ALG14: variants seen among roughly 807,000 people sequenced by gnomAD.
ALG14 encodes the protein UDP-N-acetylglucosamine transferase subunit ALG14.
ALG14 carries 17 observed loss-of-function variants against 22.8 expected under a neutral mutation model. That is an observed-to-expected ratio of 0.75 (90% CI 0.51 to 1.12). The LOEUF (loss-of-function observed/expected upper bound fraction) is 1.12, where lower values mean the gene tolerates loss of function less well. Ranked by LOEUF, ALG14 falls within the 50% of genes most tolerant of loss-of-function variation. ALG14 has a pLI of 0.00. For synonymous variants in ALG14, 89 were observed against 103.7 expected, an observed-to-expected ratio of 0.86 and a Z score of 0.86; for missense variants, 288 against 271.8, an observed-to-expected ratio of 1.06 and a Z score of -0.42.
chr1:95,041,617 AAAAAAAAAAAAAAAGAAAG>A (rs993023174), intron 2 of ALG14: 1 of 140,162 alleles, frequency 7.1e-6, no homozygotes, highest in African/African-American at 2.6e-5. Flanking sequence ...CCGTCTCTTT[AAAAAAAAAAAAAAAGAAAG>A]AAAGAAAAAA....
intron 3 of ALG14, among the ~76,000 whole-genome samples, chr1:95,003,982 G>A (rs900930889): frequency 6.6e-6 from 1 of 152,102 alleles, no homozygotes; most frequent in Non-Finnish European, 1.5e-5. Flanking sequence ...TTACTATGAG[G>A]TGTTGGATAG....
At chr1:94,994,215 C>T (rs1451199789) in intron 3 of ALG14, among the ~76,000 whole-genome samples, 1 of 152,168 alleles carries the variant, frequency 6.6e-6, no homozygotes, top group Non-Finnish European at 1.5e-5. Flanking sequence ...GTTCTCTGGA[C>T]CAAGGTGATG....
chr1:95,043,616 G>A (rs976197113), intron 2 of ALG14, among the ~76,000 whole-genome samples: 2 of 152,168 alleles, frequency 1.3e-5, no homozygotes, highest in Non-Finnish European at 2.9e-5. Flanking sequence ...GGCAGGATGA[G>A]GGAGTGACAT....
At chr1:95,064,720 G>A in intron 2 of ALG14, 146 bp downstream of exon 2, 1 of 642,170 alleles carries the variant, frequency 1.6e-6, no homozygotes, top group Non-Finnish European at 2.5e-6. Context: ...ATATCTTTTG[G>A]TAGCAAAGGA....
chr1:95,044,871 T>A (rs1203267358), intron 2 of ALG14, among the ~76,000 whole-genome samples: 1 of 151,424 alleles, frequency 6.6e-6, no homozygotes, highest in African/African-American at 2.4e-5. Context: ...ATAAACAAAG[T>A]ATTTTTTTTT....
chr1:95,055,206 A>G (rs892162303), intron 2 of ALG14, among the ~76,000 whole-genome samples: 4 of 152,244 alleles, frequency 2.6e-5, no homozygotes, highest in African/African-American at 7.2e-5. Context: ...ACAAAATAAA[A>G]TGAGAAAAAC....
Position 95,072,858 on chromosome 1 carries a change from A to G in ALG14, c.41T>C (p.Val14Ala), listed in dbSNP as rs1675619074. Residue 14 changes from valine to alanine, a missense_variant, in exon 1 of 4, where the codon GTG becomes GCG. Physicochemically the swap from Val to Ala is moderately conservative, Grantham distance 64. Coordinates refer to ENST00000370205, the MANE Select transcript of ALG14 (RefSeq NM_144988.4). ...VLVLAAAAGA[V>A]AVFLILRIWV... ...TATTCGCAGGATTAGGAAAACCGCC[A>G]CAGCTCCTGCGGCCGCAGCTAGAAC... 3 of 1,614,026 alleles carry G rather than the reference A, an allele frequency of 1.9e-6. No homozygotes were observed. The highest frequency in any genetic ancestry group is 1.7e-6 in the Non-Finnish European group (2 of 1,180,046).
chr1:95,016,163 T>G (rs1673489583), intron 3 of ALG14, among the ~76,000 whole-genome samples: 1 of 152,202 alleles, frequency 6.6e-6, no homozygotes, highest in Non-Finnish European at 1.5e-5. Flanking sequence ...GCCCATTTTC[T>G]CTATCCATGT....
intron 1 of ALG14, among the ~76,000 whole-genome samples, chr1:95,070,210 A>G (rs1317579574): frequency 6.6e-6 from 1 of 152,196 alleles, no homozygotes; most frequent in Non-Finnish European, 1.5e-5. Context: ...CCTACTGTCT[A>G]TTAGCATTAA....
At chr1:95,059,291 G>A (rs1232296590) in intron 2 of ALG14, among the ~76,000 whole-genome samples, 1 of 151,344 alleles carries the variant, frequency 6.6e-6, no homozygotes, top group Non-Finnish European at 1.5e-5. Flanking sequence ...AAACTACTAG[G>A]GGGGCTGAGG....
At chr1:95,063,210 A>T (rs1016681287) in intron 2 of ALG14, among the ~76,000 whole-genome samples, 1 of 152,170 alleles carries the variant, frequency 6.6e-6, no homozygotes, top group Non-Finnish European at 1.5e-5. Flanking sequence ...TGTCAGATGG[A>T]CATATTGCAA....
At chr1:94,991,850 T>C (rs1461783815) in intron 3 of ALG14, among the ~76,000 whole-genome samples, 1 of 91,938 alleles carries the variant, frequency 1.1e-5, no homozygotes, top group East Asian at 4.9e-4. Context: ...AGATTTTTTA[T>C]ATCTTTTTTT....
rs368855559 is a variant in ALG14, at chr1:94,982,699, CAAAAAAAAAAA to C, written c.*366_*376del. 19 of 79,504 alleles carry C rather than the reference CAAAAAAAAAAA, an allele frequency of 2.4e-4. No homozygotes were observed. Among genetic ancestry groups the C allele is most frequent in the Admixed American group, 3.9e-4 (2 of 5,112 alleles). The allele number at this position is 79,504 out of a possible 1,614,324, so 4.9% of individuals were successfully genotyped here. A position where few individuals can be genotyped will look rare whatever the true frequency, so the allele number is the denominator to read the frequency against. On this transcript the variant is annotated 3_prime_UTR_variant, in exon 4 of 4. Coordinates refer to ENST00000370205, the MANE Select transcript of ALG14 (RefSeq NM_144988.4). ...TTCTTTTACAATGCAGAATACTTTA[CAAAAAAAAAAA>C]AAAAAAAAAAAAGCTGTAGGACAGG...
chr1:95,060,013 G>A (rs1045254780), intron 2 of ALG14, among the ~76,000 whole-genome samples: 2 of 133,766 alleles, frequency 1.5e-5, no homozygotes, highest in Non-Finnish European at 3.2e-5. Context: ...GAGCTGAAGC[G>A]TAGAAAAAGA....
chr1:95,072,179 T>C (rs1484701313), intron 1 of ALG14, among the ~76,000 whole-genome samples: 2 of 152,216 alleles, frequency 1.3e-5, no homozygotes, highest in Non-Finnish European at 2.9e-5. Context: ...TGTCTGTGTG[T>C]GTCTGTCTGT....
chr1:95,065,931 C>G (rs1191964742), intron 1 of ALG14, among the ~76,000 whole-genome samples: 1 of 152,138 alleles, frequency 6.6e-6, no homozygotes, highest in Non-Finnish European at 1.5e-5. Context: ...GAATATCTAC[C>G]TATCTATAAA....
intron 1 of ALG14, among the ~76,000 whole-genome samples, chr1:95,068,071 C>CT (rs1301276695): frequency 6.6e-6 from 1 of 152,134 alleles, no homozygotes; most frequent in Non-Finnish European, 1.5e-5. Flanking sequence ...ATTTGTTTTG[C>CT]TTTTTATCTC....
At chr1:95,016,993 G>C (rs1673519388) in intron 3 of ALG14, among the ~76,000 whole-genome samples, 1 of 132,428 alleles carries the variant, frequency 7.6e-6, no homozygotes, top group Admixed American at 7.8e-5. Flanking sequence ...GTGTGTGTGT[G>C]TGTAGTGTGG....
intron 2 of ALG14, among the ~76,000 whole-genome samples, chr1:95,029,570 T>A (rs1016052823): frequency 2.6e-5 from 4 of 152,220 alleles, no homozygotes; most frequent in Non-Finnish European, 5.9e-5. Context: ...ACATTCTTCC[T>A]TTCCCCTTGG....
Sources: gnomAD v4.1 joint callset for allele counts (sites outside exome capture counted in the v4.1 genomes callset) on GRCh38, gnomAD v4.1.1 for gene constraint, MANE v1.5 for transcripts, NCBI Gene and HGNC (gene_info 2026-07-23, HGNC 2026-07-21) for gene names.